The following CAMK2B variants were observed in gnomAD, a reference collection of about 807,000 sequenced individuals.
The protein encoded by CAMK2B is calcium/calmodulin dependent protein kinase II beta, also known as calcium/calmodulin-dependent protein kinase type II subunit beta.
A neutral mutation model predicts 93.7 loss-of-function variants in CAMK2B; 27 were observed. That is an observed-to-expected ratio of 0.29 (90% CI 0.21 to 0.40). The LOEUF is 0.40. CAMK2B is among the 10% of genes least tolerant of loss of function. The pLI is 1.00. For synonymous variants in CAMK2B, 374 were observed against 358.8 expected, an observed-to-expected ratio of 1.04 and a Z score of -0.48; for missense variants, 568 against 895.8, an observed-to-expected ratio of 0.63 and a Z score of 4.67.
chr7:44,292,939 C>T (rs1292605822), intron 1 of CAMK2B, among the ~76,000 whole-genome samples: 4 of 152,228 alleles, frequency 2.6e-5, no homozygotes, highest in South Asian at 2.1e-4. Flanking sequence ...CCAAACTTGA[C>T]GGCTCCAGCC....
intron 1 of CAMK2B, among the ~76,000 whole-genome samples, chr7:44,288,794 G>A (rs1785862153): frequency 6.6e-6 from 1 of 152,130 alleles, no homozygotes; most frequent in African/African-American, 2.4e-5. Context: ...TACATGGCCT[G>A]TTTCTACGAC....
At chr7:44,294,120 C>A (rs1024407117) in intron 1 of CAMK2B, among the ~76,000 whole-genome samples, 1 of 152,200 alleles carries the variant, frequency 6.6e-6, no homozygotes, top group African/African-American at 2.4e-5. Context: ...CAGCATCCCA[C>A]ACACCTGGCT....
At chr7:44,281,636 A>G (rs1284152993) in intron 2 of CAMK2B, among the ~76,000 whole-genome samples, 1 of 152,096 alleles carries the variant, frequency 6.6e-6, no homozygotes, top group Non-Finnish European at 1.5e-5. Context: ...TCTGCCCCCC[A>G]GCACCCCAAT....
chr7:44,260,247 T>C (rs1229380132), intron 3 of CAMK2B, among the ~76,000 whole-genome samples: 1 of 152,308 alleles, frequency 6.6e-6, no homozygotes, highest in East Asian at 1.9e-4. Flanking sequence ...AGTTTCTAAC[T>C]GGCTGCCAGT....
In CAMK2B at chr7:44,225,059, A is replaced by G. The variant is rs866174920; in HGVS notation, c.1597+1457T>C. On this transcript the variant is annotated intron_variant, in intron 20 of 23. Transcript: ENST00000395749. The surrounding 1 kb of genome is among the most constrained non-coding windows in gnomAD (Gnocchi z 5.0). Reference sequence around the variant, plus strand: ...TCCTCCCCAGCCAAGCTCAGGGAAGACTCTGGAAGGGCAGGTCTGTGCTGT... The same window carrying G: ...TCCTCCCCAGCCAAGCTCAGGGAAGGCTCTGGAAGGGCAGGTCTGTGCTGT... Among the ~76,000 whole-genome samples, 3 of 151,012 alleles carry G rather than the reference A, an allele frequency of 2.0e-5. No homozygotes were observed. Among genetic ancestry groups the G allele is most frequent in the Admixed American group, 1.3e-4 (2 of 15,198 alleles).
chr7:44,277,703 T>C (rs975660958), intron 2 of CAMK2B, among the ~76,000 whole-genome samples: 1 of 151,822 alleles, frequency 6.6e-6, no homozygotes, highest in Non-Finnish European at 1.5e-5. Context: ...CCCAGAATCC[T>C]TCTCCCCCAC....
At chr7:44,250,880 T>G (rs1355260328) in intron 5 of CAMK2B, among the ~76,000 whole-genome samples, 1 of 152,214 alleles carries the variant, frequency 6.6e-6, no homozygotes, top group African/African-American at 2.4e-5. Flanking sequence ...TGTTTTGTAC[T>G]TTGCTTTCCC....
intron 1 of CAMK2B, among the ~76,000 whole-genome samples, chr7:44,293,820 G>A (rs931803957): frequency 6.6e-6 from 1 of 152,128 alleles, no homozygotes; most frequent in Admixed American, 6.5e-5. Context: ...ACTGGTCCGT[G>A]GCCTGAGGGT....
Position 44,320,829 on chromosome 7 carries a change from A to C in CAMK2B, c.65+4528T>G, listed in dbSNP as rs368748331. Among the ~76,000 whole-genome samples, 132 of 152,158 alleles carry C rather than the reference A, an allele frequency of 8.7e-4. 5 individuals carry two copies. In the South Asian group the frequency reaches 0.027, roughly 31 times the overall value. ...GGCCCACCCAACTCACCCCTTCCCC[A>C]CCTCGGGCCAGGCACTGGGGACACA... On this transcript the variant is annotated intron_variant, in intron 1 of 23. Transcript: ENST00000395749.
chr7:44,220,784 A>G (rs1275094177), intron 21 of CAMK2B, 42 bp downstream of exon 21: 6 of 1,552,078 alleles, frequency 3.9e-6, no homozygotes, highest in Non-Finnish European at 5.2e-6. Context: ...AGGGTCCCAC[A>G]TCCTTGTCCT....
chr7:44,247,226 G>A (rs2096739868), intron 5 of CAMK2B, 34 bp from the exon 6 acceptor site: 1 of 1,586,412 alleles, frequency 6.3e-7, no homozygotes, highest in Non-Finnish European at 8.7e-7. Context: ...AGTGCGAGTG[G>A]CCCTGGGGAG....
intron 11 of CAMK2B, among the ~76,000 whole-genome samples, 187 bp from the exon 12 acceptor site, chr7:44,240,936 A>T (rs559605489): frequency 6.6e-6 from 1 of 151,994 alleles, no homozygotes; most frequent in African/African-American, 2.4e-5. Context: ...CAGATCACCT[A>T]TTTCCAGAAC....
At position 44,218,177 on chromosome 7, in the gene CAMK2B, C is replaced by G. The variant is rs2096360876; in HGVS notation, c.*1348G>C. Reference sequence around the variant, plus strand: ...CACGGGCAGCACTGCCCTCACGCCTCCCATGTGCCCTAGGCTGGCTCCCAC... The same window carrying G: ...CACGGGCAGCACTGCCCTCACGCCTGCCATGTGCCCTAGGCTGGCTCCCAC... On this transcript the variant is annotated 3_prime_UTR_variant, in exon 24 of 24. Transcript: ENST00000395749. The G allele has an allele frequency of 6.5e-6, 1 of 152,858 alleles. No individual in the cohort carries two copies. Among genetic ancestry groups the G allele is most frequent in the Admixed American group, 6.5e-5 (1 of 15,296 alleles). 9.5% of individuals were successfully genotyped at this position (152,858 alleles called of 1,614,324 possible). A position where few individuals can be genotyped will look rare whatever the true frequency, so the allele number is the denominator to read the frequency against.
At chr7:44,252,546 TG>T (rs2096790348) in intron 5 of CAMK2B, among the ~76,000 whole-genome samples, 1 of 4,674 alleles carries the variant, frequency 2.1e-4, no homozygotes. Flanking sequence ...GGGGTGGGGG[TG>T]GGGGAGGGTG....
In CAMK2B at chr7:44,242,182, G is replaced by A. The variant is rs377749450; in HGVS notation, c.819+36C>T. 4.3e-4 allele frequency: 687 copies of A among 1,595,908 alleles called. 1 individual carries two copies. The highest frequency in any genetic ancestry group is 2.6e-3 in the Admixed American group (152 of 58,370). ...TGGTCTGAGGCCATCTCCACCAGGA[G>A]CCCCCTCCCCACCATGGGCACCAAG... On this transcript the variant is annotated intron_variant, in intron 10 of 23. Coordinates refer to ENST00000395749, the MANE Select transcript of CAMK2B (RefSeq NM_001220.5).
At chr7:44,221,599 G>A (rs1245121481) in intron 20 of CAMK2B, among the ~76,000 whole-genome samples, 1 of 152,220 alleles carries the variant, frequency 6.6e-6, no homozygotes, top group Non-Finnish European at 1.5e-5. Flanking sequence ...CATAGGAGCC[G>A]CATCCGGCTG....
At chr7:44,235,279 T>G (rs1399007211) in intron 13 of CAMK2B, among the ~76,000 whole-genome samples, 2 of 152,194 alleles carry the variant, frequency 1.3e-5, no homozygotes, top group African/African-American at 4.8e-5. Flanking sequence ...TCGCCCTCAT[T>G]CCGAGCTGCC....
intron 20 of CAMK2B, among the ~76,000 whole-genome samples, chr7:44,223,593 G>T (rs1039657199): frequency 7.3e-6 from 1 of 136,756 alleles, no homozygotes; most frequent in African/African-American, 2.8e-5. Flanking sequence ...CTTGAGGCCC[G>T]CCCCCGCCCC....
chr7:44,232,939 GA>G (rs890681080), intron 15 of CAMK2B, 73 bp from the exon 16 acceptor site: 1 of 1,359,676 alleles, frequency 7.4e-7, no homozygotes, highest in African/African-American at 1.4e-5. Flanking sequence ...AGACCACCAG[GA>G]GGGGAACAGG....
Sources: allele counts gnomAD v4.1 joint callset (sites outside exome capture counted in the v4.1 genomes callset), GRCh38; gene constraint gnomAD v4.1.1; non-coding constraint Gnocchi (gnomAD v3.1); transcripts MANE v1.5; gene names NCBI Gene and HGNC (gene_info 2026-07-23, HGNC 2026-07-21).